Variants in CTNNA2 observed in about 807,000 individuals in gnomAD.
The protein encoded by CTNNA2 is catenin alpha-2.
Under a neutral mutation model 101.0 loss-of-function variants are expected in CTNNA2, and 42 were observed. The ratio of observed to expected loss-of-function variants is 0.42; its 90% CI spans 0.32 to 0.54. CTNNA2 has a LOEUF of 0.54. Ranked by LOEUF, CTNNA2 falls within the 20% of genes least tolerant of loss-of-function variation. The pLI is 0.14. For synonymous variants in CTNNA2, 450 were observed against 456.4 expected, an observed-to-expected ratio of 0.99 and a Z score of 0.18; for missense variants, 871 against 1,223.1, an observed-to-expected ratio of 0.71 and a Z score of 4.29.
chr2:79,226,698 A>G (rs1674414039), intron 2 of CTNNA2, among the ~76,000 whole-genome samples: 1 of 152,308 alleles, frequency 6.6e-6, no homozygotes, highest in African/African-American at 2.4e-5. Context: ...AAGTAAATGA[A>G]CAAATCCAAA....
intron 2 of CTNNA2, among the ~76,000 whole-genome samples, chr2:79,739,839 A>C (rs1457114248): frequency 1.3e-5 from 2 of 152,208 alleles, no homozygotes; most frequent in Non-Finnish European, 2.9e-5. Flanking sequence ...CCAGTTATGC[A>C]AAAGGTGACT....
intron 9 of CTNNA2, among the ~76,000 whole-genome samples, chr2:80,422,971 T>C (rs2149412064): frequency 6.6e-6 from 1 of 152,290 alleles, no homozygotes; most frequent in African/African-American, 2.4e-5. Context: ...TTTAATTTTC[T>C]AATTTACTGG....
At chr2:79,301,847 G>A (rs570506386) in intron 2 of CTNNA2, among the ~76,000 whole-genome samples, 3 of 152,158 alleles carry the variant, frequency 2.0e-5, no homozygotes, top group African/African-American at 4.8e-5. Flanking sequence ...CTACTGCTTT[G>A]GGAGGCTGAG....
chr2:79,457,449 CA>C (rs1412641204), intron 4 of CTNNA2, among the ~76,000 whole-genome samples: 16 of 151,926 alleles, frequency 1.1e-4, no homozygotes, highest in Non-Finnish European at 4.4e-5. Flanking sequence ...TATTGATTTT[CA>C]AACATGAAAG....
intron 7 of CTNNA2, among the ~76,000 whole-genome samples, chr2:80,250,198 A>AGTGTGT (rs1447484092): frequency 8.4e-5 from 12 of 142,770 alleles, no homozygotes; most frequent in African/African-American, 3.4e-4. Flanking sequence ...AGAGAGAGAG[A>AGTGTGT]GAGAGAGTGT....
chr2:79,389,508 T>A (rs1468650424), intron 4 of CTNNA2, among the ~76,000 whole-genome samples: 1 of 152,238 alleles, frequency 6.6e-6, no homozygotes, highest in Non-Finnish European at 1.5e-5. Context: ...AAAATATTTG[T>A]GCCGAATCAG....
chr2:80,645,740 G>GCTAT (rs1417280847), intron 18 of CTNNA2, among the ~76,000 whole-genome samples: 4 of 151,126 alleles, frequency 2.6e-5, no homozygotes, highest in Admixed American at 2.0e-4. Flanking sequence ...CTTTTCCTTA[G>GCTAT]CTATCTTTAG....
rs1194318333 is a variant in CTNNA2 at position 79,909,625 on chromosome 2, G to C, written c.884G>C (p.Ser295Thr). ...ATTATCCTGGACCCCATGACGTTCA[G>C]CGAGGCCAGGTTCCGGCCGTCCCTG... Reference protein sequence around the residue: ...NKIILDPMTFSEARFRPSLEE... With the variant: ...NKIILDPMTFTEARFRPSLEE... Residue 295 changes from serine to threonine, a missense_variant, in exon 7 of 19, where the codon AGC becomes ACC. By Grantham distance (58) the Ser-to-Thr change is moderately conservative (BLOSUM62 1). This residue lies in a region of CTNNA2 where 647 missense variants were observed against 831.5 expected (regional missense o/e 0.78). Coordinates refer to ENST00000402739, the MANE Select transcript of CTNNA2 (RefSeq NM_001282597.3). 1 of 1,612,814 alleles carries C rather than the reference G, an allele frequency of 6.2e-7. No individual in the cohort carries two copies. The highest frequency in any genetic ancestry group is 8.5e-7 in the Non-Finnish European group (1 of 1,178,990).
chr2:80,357,223 A>C (rs1673899297), intron 7 of CTNNA2, among the ~76,000 whole-genome samples: 1 of 146,724 alleles, frequency 6.8e-6, no homozygotes, highest in South Asian at 2.3e-4. Context: ...AGGCATTCAA[A>C]ATAGCATTTT....
chr2:80,067,972 G>A (rs1362581683), intron 7 of CTNNA2, among the ~76,000 whole-genome samples: 1 of 152,178 alleles, frequency 6.6e-6, no homozygotes, highest in Admixed American at 6.5e-5. Flanking sequence ...AGGGACCCCA[G>A]GCCACAACTA....
intron 7 of CTNNA2, among the ~76,000 whole-genome samples, chr2:80,069,173 C>T (rs1427405495): frequency 6.6e-6 from 1 of 152,128 alleles, no homozygotes; most frequent in Non-Finnish European, 1.5e-5. Flanking sequence ...AGAATTCACC[C>T]TTTTTCCACC....
At chr2:80,230,118 C>G (rs1358324779) in intron 7 of CTNNA2, among the ~76,000 whole-genome samples, 1 of 152,138 alleles carries the variant, frequency 6.6e-6, no homozygotes, top group Non-Finnish European at 1.5e-5. Flanking sequence ...GCTGTACCAT[C>G]TAGGTTTGTG....
chr2:79,556,181 A>G (rs1045495056), intron 1 of CTNNA2, among the ~76,000 whole-genome samples: 3 of 152,116 alleles, frequency 2.0e-5, no homozygotes, highest in Non-Finnish European at 2.9e-5. Flanking sequence ...TGGCTTGTTA[A>G]TATAATAATG....
intron 2 of CTNNA2, among the ~76,000 whole-genome samples, chr2:79,682,373 T>C (rs1683627468): frequency 7.8e-6 from 1 of 128,028 alleles, no homozygotes; most frequent in Non-Finnish European, 1.5e-5. Context: ...ATCGCGCCAC[T>C]GCACTCCAGC....
intron 6 of CTNNA2, among the ~76,000 whole-genome samples, chr2:79,896,296 AGG>A (rs1684711614): frequency 6.6e-6 from 1 of 151,756 alleles, no homozygotes; most frequent in African/African-American, 2.4e-5. Context: ...AAAAAAAAAA[AGG>A]AGAACTAACG....
At chr2:79,415,081 TTGAAAAG>T (rs1373047633) in intron 4 of CTNNA2, among the ~76,000 whole-genome samples, 4 of 152,110 alleles carry the variant, frequency 2.6e-5, no homozygotes. Flanking sequence ...AAACCTCAGG[TTGAAAAG>T]TGATCCTCAG....
chr2:79,318,136 T>A (rs889089576), intron 3 of CTNNA2, among the ~76,000 whole-genome samples: 15 of 152,116 alleles, frequency 9.9e-5, no homozygotes, highest in African/African-American at 3.4e-4. Context: ...TATAAATACT[T>A]CGATTGTATT....
intron 3 of CTNNA2, among the ~76,000 whole-genome samples, chr2:79,779,416 G>C (rs6761480): frequency 6.6e-6 from 1 of 152,062 alleles, no homozygotes; most frequent in Admixed American, 6.6e-5. Context: ...GGGAGGGTGC[G>C]GATGGCCTGA....
At chr2:79,350,213 T>G (rs548599769) in intron 3 of CTNNA2, among the ~76,000 whole-genome samples, 1 of 152,084 alleles carries the variant, frequency 6.6e-6, no homozygotes, top group Non-Finnish European at 1.5e-5. Flanking sequence ...AGGTTTGTGC[T>G]TCTAGGGTCC....
Sources: gnomAD v4.1 joint callset for allele counts (sites outside exome capture counted in the v4.1 genomes callset) on GRCh38, gnomAD v4.1.1 for gene constraint, gnomAD v4.1.1 regional missense constraint, MANE v1.5 for transcripts, NCBI Gene and HGNC (gene_info 2026-07-23, HGNC 2026-07-21) for gene names.